STK32B: variants seen among roughly 807,000 people sequenced by gnomAD.
STK32B encodes serine/threonine-protein kinase 32B.
In STK32B, 43 loss-of-function variants were observed where a neutral mutation model predicts 52.6. The ratio of observed to expected loss-of-function variants is 0.82; its 90% CI spans 0.64 to 1.05. STK32B has a LOEUF of 1.05. Ranked by LOEUF, STK32B falls within the 50% of genes least tolerant of loss-of-function variation. STK32B has a pLI of 0.00. For missense variants in STK32B, 621 were observed against 534.6 expected (o/e 1.16, Z -1.59); for synonymous variants, 238 against 204.3 (o/e 1.17, Z -1.41).
intron 11 of STK32B, among the ~76,000 whole-genome samples, chr4:5,494,588 A>ATTGTT (rs1720052277): frequency 6.6e-6 from 1 of 152,084 alleles, no homozygotes; most frequent in South Asian, 2.1e-4. Flanking sequence ...TAAGGTTAAT[A>ATTGTT]TTGTTATGTG....
intron 3 of STK32B, among the ~76,000 whole-genome samples, chr4:5,242,845 C>T (rs1296940785): frequency 6.6e-6 from 1 of 152,166 alleles, no homozygotes; most frequent in Non-Finnish European, 1.5e-5. Context: ...ATCCTTTCCC[C>T]ATTGCTTGTT....
the STK32B span, among the ~76,000 whole-genome samples, chr4:5,025,463 A>G: frequency 3.3e-5 from 5 of 152,164 alleles, no homozygotes; most frequent in East Asian, 7.7e-4. Flanking sequence ...CCTGCAGCTC[A>G]GCTCTGTCTC....
Position 5,305,494 on chromosome 4 carries a change from G to A in STK32B, c.261-25726G>A, listed in dbSNP as rs186547904. On this transcript the variant is annotated intron_variant, in intron 3 of 11. Transcript: ENST00000282908. ...GGTTTTCTAGTTTATGTGTGTAAAG[G>A]TGTTCATAGTATCCTTGAATGATCT... 3.1e-3 allele frequency among the ~76,000 whole-genome samples: 479 copies of A among 152,090 alleles called. 3 individuals carry two copies. The highest frequency in any genetic ancestry group is 0.011 in the African/African-American group (451 of 41,524).
chr4:5,410,086 T>C (rs3774849), intron 5 of STK32B, among the ~76,000 whole-genome samples: 3 of 152,168 alleles, frequency 2.0e-5, no homozygotes, highest in East Asian at 1.9e-4. Flanking sequence ...TTCTGTGTGG[T>C]GCCCAGAGTG....
At chr4:5,040,884 T>A in the STK32B span, among the ~76,000 whole-genome samples, 8 of 152,308 alleles carry the variant, frequency 5.3e-5, no homozygotes, top group East Asian at 1.5e-3. Context: ...CTGTGCAGCA[T>A]GAATACCCTA....
chr4:5,241,022 C>T (rs949185945), intron 3 of STK32B, among the ~76,000 whole-genome samples: 2 of 152,100 alleles, frequency 1.3e-5, no homozygotes, highest in Non-Finnish European at 2.9e-5. Context: ...ATCTTCTTAT[C>T]AGGTTAATTA....
At chr4:5,461,362 A>G (rs1717011618) in intron 9 of STK32B, among the ~76,000 whole-genome samples, 1 of 152,172 alleles carries the variant, frequency 6.6e-6, no homozygotes, top group Non-Finnish European at 1.5e-5. Flanking sequence ...GGAGCCTCAG[A>G]CGTCCCTGGC....
intron 1 of STK32B, among the ~76,000 whole-genome samples, chr4:5,092,817 C>T (rs756646032): frequency 1.1e-4 from 17 of 152,094 alleles, no homozygotes; most frequent in African/African-American, 2.9e-4. Flanking sequence ...ACCTCCCACC[C>T]GGTCACACCT....
chr4:5,212,570 G>T (rs949499683), intron 3 of STK32B, among the ~76,000 whole-genome samples: 1 of 152,198 alleles, frequency 6.6e-6, no homozygotes, highest in Non-Finnish European at 1.5e-5. Flanking sequence ...CTGGCACCTC[G>T]TGAAGTCAGA....
chr4:5,429,734 A>G (rs1158273878), intron 6 of STK32B, among the ~76,000 whole-genome samples: 2 of 152,082 alleles, frequency 1.3e-5, no homozygotes, highest in Non-Finnish European at 2.9e-5. Flanking sequence ...TTCCTTTAAC[A>G]ATTTTGACTA....
At chr4:5,167,900 T>G (rs567680385) in intron 2 of STK32B, among the ~76,000 whole-genome samples, 5 of 152,166 alleles carry the variant, frequency 3.3e-5, no homozygotes, top group Non-Finnish European at 7.4e-5. Flanking sequence ...GTGAGGAGAT[T>G]CAGGTGGGCA....
At chr4:5,070,870 C>T (rs555871651) in intron 1 of STK32B, among the ~76,000 whole-genome samples, 85 of 152,216 alleles carry the variant, frequency 5.6e-4, no homozygotes, top group African/African-American at 1.9e-3. Flanking sequence ...CCGGCGGAAC[C>T]TCCTGAGTCC....
chr4:5,391,180 C>G (rs10030719), intron 4 of STK32B, among the ~76,000 whole-genome samples: 2 of 151,806 alleles, frequency 1.3e-5, no homozygotes, highest in African/African-American at 4.8e-5. Context: ...AGGATGGTCT[C>G]GATCTCCTTA....
Position 5,255,523 on chromosome 4 carries a change from C to T in STK32B, c.261-75697C>T, listed in dbSNP as rs528018295. Among the ~76,000 whole-genome samples, 188 of 152,080 alleles carry T rather than the reference C, an allele frequency of 1.2e-3. 1 individual carries two copies. The highest frequency in any genetic ancestry group is 6.9e-3 in the Admixed American group (106 of 15,272). On this transcript the variant is annotated intron_variant, in intron 3 of 11. Coordinates refer to ENST00000282908, the MANE Select transcript of STK32B (RefSeq NM_018401.3). ...ACATACATATGCTTGTCGGTGACAA[C>T]CACCCAAATCAAGATACGGAACATT...
chr4:5,401,478 T>TC (rs1162382382), intron 5 of STK32B, among the ~76,000 whole-genome samples: 5 of 152,220 alleles, frequency 3.3e-5, no homozygotes, highest in African/African-American at 4.8e-5. Context: ...AATCCAAGCA[T>TC]CTCTCACAAG....
intron 3 of STK32B, among the ~76,000 whole-genome samples, chr4:5,172,543 C>T (rs369867323): frequency 2.0e-4 from 31 of 152,122 alleles, no homozygotes; most frequent in African/African-American, 7.0e-4. Flanking sequence ...TGTCAAAGGC[C>T]TTTTCTGCAT....
chr4:5,100,960 A>G (rs1339809594), intron 1 of STK32B, among the ~76,000 whole-genome samples: 2 of 150,902 alleles, frequency 1.3e-5, no homozygotes, highest in Non-Finnish European at 2.9e-5. Flanking sequence ...GTGCAGTGGC[A>G]CAATCATAGC....
At chr4:5,430,218 C>G (rs195124) in intron 6 of STK32B, among the ~76,000 whole-genome samples, 64,276 of 151,868 alleles carry the variant, frequency 0.42, 14,548 homozygotes, top group South Asian at 0.54. Flanking sequence ...TTTCAAAACC[C>G]GAAGTGAGAT....
intron 1 of STK32B, among the ~76,000 whole-genome samples, chr4:5,097,302 C>A (rs1402371080): frequency 1.3e-5 from 2 of 152,144 alleles, no homozygotes; most frequent in Non-Finnish European, 2.9e-5. Flanking sequence ...AATGCATATA[C>A]CTTGAAAATG....
Sources: gnomAD v4.1 joint callset for allele counts (sites outside exome capture counted in the v4.1 genomes callset) on GRCh38, gnomAD v4.1.1 for gene constraint, MANE v1.5 for transcripts, NCBI Gene and HGNC (gene_info 2026-07-23, HGNC 2026-07-21) for gene names.